SH3RF1: variants seen among roughly 807,000 people sequenced by gnomAD.
SH3RF1 encodes E3 ubiquitin-protein ligase SH3RF1.
Under a neutral mutation model 74.0 loss-of-function variants are expected in SH3RF1, and 32 were observed. The observed-to-expected ratio is 0.43, with a 90% CI of 0.33 to 0.58. The LOEUF (loss-of-function observed/expected upper bound fraction) is 0.58. SH3RF1 is among the 20% of genes least tolerant of loss of function. The probability of loss-of-function intolerance (pLI) is 0.05; values close to 1 mark genes in which losing one functional copy is unlikely to be tolerated. For synonymous variants in SH3RF1, 396 were observed against 439.6 expected (o/e 0.90, Z 1.24); for missense variants, 954 against 1,130.9 (o/e 0.84, Z 2.24).
chr4:169,119,236 T>C (rs1382670861), intron 8 of SH3RF1, among the ~76,000 whole-genome samples: 1 of 150,746 alleles, frequency 6.6e-6, no homozygotes, highest in Non-Finnish European at 1.5e-5. Context: ...CCAAAGTAGC[T>C]GGGTCTACAG....
intron 2 of SH3RF1, among the ~76,000 whole-genome samples, chr4:169,163,948 T>C (rs192508455): frequency 5.4e-4 from 82 of 152,292 alleles, no homozygotes; most frequent in African/African-American, 1.9e-3. Flanking sequence ...AATGATCTGA[T>C]TCTTGTGTGG....
intron 8 of SH3RF1, among the ~76,000 whole-genome samples, 196 bp from the exon 9 acceptor site, chr4:169,117,978 T>C (rs1733365865): frequency 6.6e-6 from 1 of 152,214 alleles, no homozygotes; most frequent in Non-Finnish European, 1.5e-5. Context: ...TTGAAATATA[T>C]TCTGAGTCAC....
intron 2 of SH3RF1, among the ~76,000 whole-genome samples, chr4:169,181,234 G>T (rs1734504685): frequency 6.9e-6 from 1 of 145,500 alleles, no homozygotes; most frequent in African/African-American, 2.5e-5. Context: ...AATTCTTTTA[G>T]CCAACACTCA....
At chr4:169,218,350 A>AAT (rs1366922901) in intron 2 of SH3RF1, among the ~76,000 whole-genome samples, 1 of 142,146 alleles carries the variant, frequency 7.0e-6, no homozygotes, top group Non-Finnish European at 1.5e-5. Flanking sequence ...ATAGAATATA[A>AAT]ATATATATTA....
At chr4:169,149,512 G>A (rs2126961400) in intron 4 of SH3RF1, among the ~76,000 whole-genome samples, 1 of 152,298 alleles carries the variant, frequency 6.6e-6, no homozygotes, top group East Asian at 1.9e-4. Flanking sequence ...TATTCAGTCA[G>A]AATTACAGAT....
Position 169,171,909 on chromosome 4 carries a change from GCTT to G in SH3RF1, c.394-15233_394-15231del, listed in dbSNP as rs138180469. Among the ~76,000 whole-genome samples, 561 of 152,292 alleles carry G rather than the reference GCTT, an allele frequency of 3.7e-3. 1 individual carries two copies. Among genetic ancestry groups the G allele is most frequent in the African/African-American group, 0.012 (512 of 41,560 alleles). ...CAGGGTCTGGTGAAAGGTTATATCTGCTTCTTCTCCATCCGCACTGCAGTGAAT... is the reference window on the plus strand; with the variant it reads ...CAGGGTCTGGTGAAAGGTTATATCTGCTTCTCCATCCGCACTGCAGTGAAT... On this transcript the variant is annotated intron_variant, in intron 2 of 11. Transcript: ENST00000284637.
chr4:169,221,662 T>C (rs995420377), intron 2 of SH3RF1, among the ~76,000 whole-genome samples: 1 of 152,162 alleles, frequency 6.6e-6, no homozygotes, highest in Non-Finnish European at 1.5e-5. Flanking sequence ...TTGTAATCTA[T>C]AAAATAAAGG....
intron 4 of SH3RF1, among the ~76,000 whole-genome samples, chr4:169,152,204 T>C (rs1176278517): frequency 2.6e-5 from 4 of 152,118 alleles, no homozygotes; most frequent in Admixed American, 2.6e-4. Context: ...ACCCATAACC[T>C]CTAAGGCTCA....
At chr4:169,103,171 C>T (rs990679427) in intron 11 of SH3RF1, among the ~76,000 whole-genome samples, 2 of 145,838 alleles carry the variant, frequency 1.4e-5, no homozygotes, top group African/African-American at 2.6e-5. Context: ...CTCCTGACCT[C>T]GTGATCCACC....
At chr4:169,265,890 G>A (rs573349564) in intron 2 of SH3RF1, among the ~76,000 whole-genome samples, 32 of 152,112 alleles carry the variant, frequency 2.1e-4, no homozygotes, top group Admixed American at 3.9e-4. Context: ...AAACTATTAG[G>A]TCTAAATTCT....
At chr4:169,257,833 G>A (rs1213700119) in intron 2 of SH3RF1, among the ~76,000 whole-genome samples, 1 of 152,150 alleles carries the variant, frequency 6.6e-6, no homozygotes, top group African/African-American at 2.4e-5. Flanking sequence ...TCCAAAGTCA[G>A]GCTCCCTAAA....
chr4:169,236,382 G>A lies in SH3RF1; in HGVS notation c.393+32438C>T, dbSNP rs576422509. Among the ~76,000 whole-genome samples the A allele has an allele frequency of 3.9e-5, 6 of 152,260 alleles. 1 individual carries two copies. The South Asian group carries it at 1.2e-3, about 32-fold the overall frequency. ...TGAGTGACTCTAATGACTATAATGA[G>A]CGGTGTCCCTCTGCCAATCCACACA... On this transcript the variant is annotated intron_variant, in intron 2 of 11. Coordinates refer to ENST00000284637, the MANE Select transcript of SH3RF1 (RefSeq NM_020870.4).
chr4:169,216,784 T>G (rs918980880), intron 2 of SH3RF1, among the ~76,000 whole-genome samples: 12 of 152,272 alleles, frequency 7.9e-5, no homozygotes, highest in African/African-American at 2.6e-4. Context: ...TTTTTCAACA[T>G]TATAACTTAT....
At chr4:169,205,323 T>C (rs1447291151) in intron 2 of SH3RF1, among the ~76,000 whole-genome samples, 5 of 152,224 alleles carry the variant, frequency 3.3e-5, no homozygotes, top group Non-Finnish European at 7.3e-5. Context: ...ACACCACATG[T>C]GTATGTCTTT....
At chr4:169,269,676 A>G (rs1242941470) in intron 1 of SH3RF1, 1 of 153,454 alleles carries the variant, frequency 6.5e-6, no homozygotes, top group Non-Finnish European at 1.5e-5. Context: ...AAGCTGACAG[A>G]GGCCATTGAA....
chr4:169,130,191 T>C, intron 5 of SH3RF1, 35 bp from the exon 6 acceptor site: 2 of 1,400,024 alleles, frequency 1.4e-6, no homozygotes, highest in Non-Finnish European at 1.9e-6. Flanking sequence ...AAAAGAAGAC[T>C]ATGTTTAATA....
intron 2 of SH3RF1, among the ~76,000 whole-genome samples, chr4:169,267,045 G>C (rs897339101): frequency 2.0e-5 from 3 of 152,108 alleles, no homozygotes; most frequent in Non-Finnish European, 4.4e-5. Flanking sequence ...ATATAAACCA[G>C]AAAAATAATA....
chr4:169,212,251 A>G (rs1338110413), intron 2 of SH3RF1, among the ~76,000 whole-genome samples: 13 of 151,220 alleles, frequency 8.6e-5, no homozygotes. Flanking sequence ...TTTAGTAGAG[A>G]CAGGGTTTCT....
intron 2 of SH3RF1, among the ~76,000 whole-genome samples, chr4:169,193,658 G>C (rs948737563): frequency 2.6e-5 from 4 of 152,148 alleles, no homozygotes; most frequent in Admixed American, 6.5e-5. Flanking sequence ...TCCTGTCAGG[G>C]AACACATCAC....
Sources: allele counts gnomAD v4.1 joint callset (sites outside exome capture counted in the v4.1 genomes callset), GRCh38; gene constraint gnomAD v4.1.1; transcripts MANE v1.5; gene names NCBI Gene and HGNC (gene_info 2026-07-23, HGNC 2026-07-21).